The following KRIT1 variants were observed in gnomAD, a reference collection of about 807,000 sequenced individuals.
KRIT1 encodes the protein KRIT1 ankyrin repeat containing.
A neutral mutation model predicts 95.8 loss-of-function variants in KRIT1; 45 were observed. The observed-to-expected ratio is 0.47, with a 90% confidence interval of 0.37 to 0.60. The LOEUF (loss-of-function observed/expected upper bound fraction) is 0.60. Ranked by LOEUF, KRIT1 falls within the 20% of genes least tolerant of loss-of-function variation. The pLI is 0.00. For missense variants in KRIT1, 788 were observed against 877.5 expected, an observed-to-expected ratio of 0.90 and a Z score of 1.29; for synonymous variants, 282 against 278.8, an observed-to-expected ratio of 1.01 and a Z score of -0.11.
At chr7:92,218,518 C>T (rs962353921) in intron 14 of KRIT1, among the ~76,000 whole-genome samples, 3 of 151,626 alleles carry the variant, frequency 2.0e-5, no homozygotes, top group Admixed American at 1.3e-4. Context: ...GTAGCTGGTA[C>T]ACAGTGTGTG....
Position 92,226,671 on chromosome 7 carries a change from A to T in KRIT1, c.1001T>A (p.Val334Asp). The stretch of plus-strand genomic sequence containing the variant: ...CTCTAACAATATGCGAGTGGCCTCA[A>T]CTTTTCCATACCTGTATAAAAAAAC... ...PIHYACWYGK[V>D]EATRILLEKG... The change falls in exon 11 of 19, where the codon GTT (valine) becomes GAT (aspartate). Residue 334 changes from valine (V) to aspartate (D), a missense_variant. Physicochemically the swap from Val to Asp is radical, Grantham distance 152. Around this residue, in one of 3 missense-constraint regions of KRIT1, gnomAD observed 493 missense variants for 582.3 expected, o/e 0.85. Coordinates refer to ENST00000394505, the MANE Select transcript of KRIT1 (RefSeq NM_194454.3). 6.2e-7 allele frequency: 1 copy of T among 1,613,512 alleles called. No homozygotes were observed. The highest frequency in any genetic ancestry group is 8.5e-7 in the Non-Finnish European group (1 of 1,179,696).
Position 92,222,975 on chromosome 7 carries a change from C to T in KRIT1, c.1258G>A (p.Glu420Lys). ...LLKEAINKPY[E>K]KVRIYRMDGS... ...TCCATTCTGTATATTCGAACTTTTT[C>T]ATACTACAAGAAACGATAACTTACG... Residue 420 changes from glutamate (E) to lysine (K), a missense_variant, in exon 13 of 19, where the codon GAA (glutamate) becomes AAA (lysine). Around this residue, in one of 3 missense-constraint regions of KRIT1, gnomAD observed 493 missense variants for 582.3 expected, o/e 0.85. Transcript: ENST00000394505. 6.2e-7 allele frequency: 1 copy of T among 1,603,622 alleles called. No individual in the cohort carries two copies. Among genetic ancestry groups the T allele is most frequent in the Non-Finnish European group, 8.5e-7 (1 of 1,171,316 alleles).
At chr7:92,238,688 C>T (rs894233972) in intron 5 of KRIT1, among the ~76,000 whole-genome samples, 9 of 152,174 alleles carry the variant, frequency 5.9e-5, no homozygotes, top group Non-Finnish European at 1.2e-4. Context: ...AATCCAGTTA[C>T]GATCCATTAT....
intron 17 of KRIT1, among the ~76,000 whole-genome samples, chr7:92,203,193 T>C (rs548323991): frequency 2.0e-5 from 3 of 152,346 alleles, no homozygotes; most frequent in South Asian, 2.1e-4. Flanking sequence ...ATGTATCCCA[T>C]GTAGTGTTTT....
chr7:92,229,665 G>C (rs541501341), intron 10 of KRIT1, among the ~76,000 whole-genome samples: 1 of 151,958 alleles, frequency 6.6e-6, no homozygotes, highest in Non-Finnish European at 1.5e-5. Context: ...CCTCTGAAAC[G>C]GTTTAAAATC....
intron 14 of KRIT1, among the ~76,000 whole-genome samples, chr7:92,220,907 C>A (rs1039811097): frequency 2.6e-5 from 4 of 151,274 alleles, no homozygotes; most frequent in Admixed American, 2.0e-4. Context: ...CCGGGCTGGT[C>A]TTGAATTCTT....
At chr7:92,231,139 G>C (rs972831302) in intron 10 of KRIT1, among the ~76,000 whole-genome samples, 6 of 152,148 alleles carry the variant, frequency 3.9e-5, no homozygotes, top group African/African-American at 1.4e-4. Context: ...GAAGAATAAA[G>C]AAGTGAGAGA....
chr7:92,233,681 A>T (rs1797813910), intron 10 of KRIT1, among the ~76,000 whole-genome samples: 2 of 152,340 alleles, frequency 1.3e-5, no homozygotes, highest in South Asian at 4.1e-4. Flanking sequence ...CTGGGATTAC[A>T]GGTGTGAGCC....
rs1798754231 is a variant in KRIT1, at chr7:92,237,858, T to C, written c.263-99A>G. 8 of 703,274 alleles carry C rather than the reference T, an allele frequency of 1.1e-5. No individual in the cohort carries two copies. The South Asian group carries it at 1.3e-4, about 11-fold the overall frequency. 43.6% of individuals were successfully genotyped at this position (703,274 alleles called of 1,614,324 possible). A position where few individuals can be genotyped will look rare whatever the true frequency, so the allele number is the denominator to read the frequency against. On this transcript the variant is annotated intron_variant, in intron 5 of 18. Coordinates refer to ENST00000394505, the MANE Select transcript of KRIT1 (RefSeq NM_194454.3). Reference sequence around the variant, plus strand: ...AAAACAGATACTTTAAAAGGCAGCATTAAGAGGAACTGAAATATACTAAGT... The same window carrying C: ...AAAACAGATACTTTAAAAGGCAGCACTAAGAGGAACTGAAATATACTAAGT...
intron 4 of KRIT1, among the ~76,000 whole-genome samples, chr7:92,241,438 G>A (rs570724963): frequency 3.9e-5 from 6 of 152,162 alleles, no homozygotes; most frequent in African/African-American, 1.4e-4. Context: ...CCCTTTAACA[G>A]GTTTCAGACA....
intron 10 of KRIT1, among the ~76,000 whole-genome samples, chr7:92,233,564 G>A (rs1396145308): frequency 4.6e-5 from 7 of 151,870 alleles, no homozygotes; most frequent in South Asian, 2.1e-4. Context: ...GCACCACCAC[G>A]CCCGGCTAAT....
At chr7:92,219,825 T>C (rs1475035140) in intron 14 of KRIT1, among the ~76,000 whole-genome samples, 1 of 152,248 alleles carries the variant, frequency 6.6e-6, no homozygotes, top group Non-Finnish European at 1.5e-5. Flanking sequence ...TTTATAGTTT[T>C]CAGTGTACAA....
chr7:92,211,056 A>G (rs1371493784), intron 17 of KRIT1, among the ~76,000 whole-genome samples: 1 of 152,230 alleles, frequency 6.6e-6, no homozygotes, highest in African/African-American at 2.4e-5. Flanking sequence ...ATGCAGACAG[A>G]AGGGAACTTT....
At chr7:92,224,031 T>C (rs1795712109) in intron 12 of KRIT1, among the ~76,000 whole-genome samples, 2 of 152,212 alleles carry the variant, frequency 1.3e-5, no homozygotes, top group South Asian at 4.1e-4. Flanking sequence ...GTACTGCTTG[T>C]CTATTTCCTT....
chr7:92,232,679 T>C (rs1797558492), intron 10 of KRIT1, among the ~76,000 whole-genome samples: 1 of 152,148 alleles, frequency 6.6e-6, no homozygotes, highest in Non-Finnish European at 1.5e-5. Context: ...TAGCTCCTGG[T>C]AAAGCATGTG....
intron 17 of KRIT1, 59 bp from the exon 18 acceptor site, chr7:92,201,482 C>G (rs373414067): frequency 2.4e-5 from 20 of 827,804 alleles, no homozygotes; most frequent in Middle Eastern, 2.8e-4. Flanking sequence ...CACCTATTTT[C>G]TCTTACTATC....
rs1462382621 is a variant in KRIT1 at position 92,245,881 on chromosome 7, C to G, written c.-512G>C. On this transcript the variant is annotated 5_prime_UTR_variant, in exon 1 of 19. Transcript: ENST00000394505. Reference sequence around the variant, plus strand: ...CTACGGGGTCCCAGGTCTTCAAAGGCCTTAGCTTTCCACCCCGCCGTTACC... The same window carrying G: ...CTACGGGGTCCCAGGTCTTCAAAGGGCTTAGCTTTCCACCCCGCCGTTACC... 2.2e-5 allele frequency: 5 copies of G among 232,508 alleles called. No homozygotes were observed. Among genetic ancestry groups the G allele is most frequent in the Middle Eastern group, 1.6e-3 (1 of 634 alleles). The allele number at this position is 232,508 out of a possible 1,614,324, so 14.4% of individuals were successfully genotyped here.
At chr7:92,213,484 C>T in intron 16 of KRIT1, 83 bp from the exon 17 acceptor site, 1 of 889,084 alleles carries the variant, frequency 1.1e-6, no homozygotes, top group South Asian at 1.5e-5. Flanking sequence ...ATCAACTAAG[C>T]AGTTTCTAAA....
intron 12 of KRIT1, among the ~76,000 whole-genome samples, chr7:92,225,509 T>C (rs1796031763): frequency 6.6e-6 from 1 of 152,100 alleles, no homozygotes; most frequent in African/African-American, 2.4e-5. Flanking sequence ...GGTTTCACCA[T>C]GTCTGGATCT....
Sources: gnomAD v4.1 joint callset for allele counts (sites outside exome capture counted in the v4.1 genomes callset) on GRCh38, gnomAD v4.1.1 for gene constraint, gnomAD v4.1.1 regional missense constraint, MANE v1.5 for transcripts, NCBI Gene and HGNC (gene_info 2026-07-23, HGNC 2026-07-21) for gene names.